The following MACROD2 variants were observed in gnomAD, a reference collection of about 807,000 sequenced individuals.
MACROD2 encodes the protein ADP-ribose glycohydrolase MACROD2.
In MACROD2, 36 loss-of-function variants were observed where a neutral mutation model predicts 70.4. The ratio of observed to expected loss-of-function variants is 0.51; its 90% CI spans 0.39 to 0.68. MACROD2 has a LOEUF of 0.68. Ranked by LOEUF, MACROD2 falls within the 30% of genes least tolerant of loss-of-function variation. MACROD2 has a pLI of 0.00. For missense variants in MACROD2, 496 were observed against 538.4 expected, an observed-to-expected ratio of 0.92 and a Z score of 0.78; for synonymous variants, 172 against 178.8, an observed-to-expected ratio of 0.96 and a Z score of 0.30.
chr20:14,145,297 C>T lies in MACROD2; in HGVS notation c.271+59569C>T, dbSNP rs181767254. Among the ~76,000 whole-genome samples, 7 of 152,182 alleles carry T rather than the reference C, an allele frequency of 4.6e-5. No homozygotes were observed. The East Asian group carries it at 1.4e-3, about 29-fold the overall frequency. On this transcript the variant is annotated intron_variant, in intron 3 of 17. Coordinates refer to ENST00000684519, the MANE Select transcript of MACROD2 (RefSeq NM_001351661.2). Reference sequence around the variant, plus strand: ...TTCTAAACCGCCCCACCTCTTTTCTCAAAGAATTTATAACCTCGTCTAGTG... The same window carrying T: ...TTCTAAACCGCCCCACCTCTTTTCTTAAAGAATTTATAACCTCGTCTAGTG...
At chr20:15,713,484 C>T (rs2050658055) in intron 8 of MACROD2, among the ~76,000 whole-genome samples, 1 of 152,104 alleles carries the variant, frequency 6.6e-6, no homozygotes, top group African/African-American at 2.4e-5. Context: ...AGGAAACTTA[C>T]AATCATGGCA....
chr20:14,937,125 C>T (rs573631586), intron 5 of MACROD2, among the ~76,000 whole-genome samples: 1 of 151,934 alleles, frequency 6.6e-6, no homozygotes, highest in East Asian at 1.9e-4. Context: ...TGTGGGAGGT[C>T]AGGAGAGTGT....
rs556317440 is a variant in MACROD2, at chr20:14,858,118, G to A, written c.418+173159G>A. 4.6e-5 allele frequency among the ~76,000 whole-genome samples: 7 copies of A among 152,286 alleles called. No homozygotes were observed. The East Asian group carries it at 1.2e-3, about 25-fold the overall frequency. The stretch of plus-strand genomic sequence containing the variant: ...TTACAGGCGTGAGCCACAGTGCCTG[G>A]CCGAGGAATGTTTTATATAATAGTC... On this transcript the variant is annotated intron_variant, in intron 5 of 17. Coordinates refer to ENST00000684519, the MANE Select transcript of MACROD2 (RefSeq NM_001351661.2).
intron 3 of MACROD2, among the ~76,000 whole-genome samples, chr20:14,365,042 G>C (rs2083259205): frequency 6.6e-6 from 1 of 152,078 alleles, no homozygotes; most frequent in Non-Finnish European, 1.5e-5. Context: ...GTTAAGGAGT[G>C]GTGTTAATTC....
At chr20:14,431,196 A>T (rs2083990695) in intron 3 of MACROD2, among the ~76,000 whole-genome samples, 1 of 152,120 alleles carries the variant, frequency 6.6e-6, no homozygotes, top group Non-Finnish European at 1.5e-5. Context: ...AATAATAGCA[A>T]TTAACATTTG....
chr20:14,013,012 A>C (rs2052935520), intron 2 of MACROD2, among the ~76,000 whole-genome samples: 1 of 152,090 alleles, frequency 6.6e-6, no homozygotes, highest in South Asian at 2.1e-4. Flanking sequence ...AGTTTTGATA[A>C]ATTTTCATTT....
intron 3 of MACROD2, among the ~76,000 whole-genome samples, chr20:14,181,926 A>AT (rs1166458794): frequency 1.3e-5 from 2 of 152,202 alleles, no homozygotes; most frequent in African/African-American, 4.8e-5. Context: ...TTTTCTGGCT[A>AT]TTGTGAATAA....
chr20:14,558,068 A>G (rs1194309226), intron 4 of MACROD2, among the ~76,000 whole-genome samples: 1 of 151,822 alleles, frequency 6.6e-6, no homozygotes, highest in Non-Finnish European at 1.5e-5. Flanking sequence ...AAGACAAATG[A>G]ACTTTGGAAA....
At chr20:15,184,713 TG>T (rs1329614818) in intron 5 of MACROD2, among the ~76,000 whole-genome samples, 1 of 152,236 alleles carries the variant, frequency 6.6e-6, no homozygotes, top group Non-Finnish European at 1.5e-5. Context: ...GCGACAATTC[TG>T]GGAAATGCGG....
chr20:14,903,111 G>A lies in MACROD2; in HGVS notation c.418+218152G>A, dbSNP rs186955446. On this transcript the variant is annotated intron_variant, in intron 5 of 17. Coordinates refer to ENST00000684519, the MANE Select transcript of MACROD2 (RefSeq NM_001351661.2). The stretch of plus-strand genomic sequence containing the variant: ...GGCTGGAGTGCAATGGTGTGATCTC[G>A]GCTCACTGCAACCTGTGTCTCCCGG... Among the ~76,000 whole-genome samples, 512 of 138,488 alleles carry A rather than the reference G, an allele frequency of 3.7e-3. 3 individuals carry two copies. Among genetic ancestry groups the A allele is most frequent in the African/African-American group, 0.013 (480 of 36,094 alleles). The allele number at this position is 138,488 out of a possible 152,430, so 90.9% of individuals were successfully genotyped here.
At chr20:14,442,940 G>T (rs902438725) in intron 3 of MACROD2, among the ~76,000 whole-genome samples, 1 of 151,946 alleles carries the variant, frequency 6.6e-6, no homozygotes, top group African/African-American at 2.4e-5. Flanking sequence ...TTAGCCCGGT[G>T]TGGTGGCGGG....
intron 5 of MACROD2, among the ~76,000 whole-genome samples, chr20:14,831,921 C>A (rs2072972512): frequency 6.9e-6 from 1 of 145,184 alleles, no homozygotes; most frequent in African/African-American, 2.6e-5. Flanking sequence ...TTGTTATGTT[C>A]TTGGGGATGC....
At chr20:14,380,352 T>C (rs1366874000) in intron 3 of MACROD2, among the ~76,000 whole-genome samples, 1 of 152,150 alleles carries the variant, frequency 6.6e-6, no homozygotes, top group Non-Finnish European at 1.5e-5. Context: ...ATTTTTCCCA[T>C]TTAATAGGTT....
chr20:15,105,978 T>A (rs2075907744), intron 5 of MACROD2, among the ~76,000 whole-genome samples: 1 of 152,186 alleles, frequency 6.6e-6, no homozygotes, highest in South Asian at 2.1e-4. Flanking sequence ...AAAAAAGTTG[T>A]GTGATGCATA....
At chr20:14,304,023 T>G (rs6110236) in intron 3 of MACROD2, among the ~76,000 whole-genome samples, 3,088 of 152,290 alleles carry the variant, frequency 0.02, 99 homozygotes, top group African/African-American at 0.071. Flanking sequence ...TGAGTGTCTT[T>G]ATTATTCTGT....
intron 6 of MACROD2, among the ~76,000 whole-genome samples, chr20:15,231,491 A>C (rs1486163523): frequency 6.6e-6 from 1 of 152,074 alleles, no homozygotes; most frequent in Non-Finnish European, 1.5e-5. Context: ...AGAAGTTTCC[A>C]ACTTGGAAAA....
At chr20:15,726,380 G>A (rs1443519213) in intron 8 of MACROD2, among the ~76,000 whole-genome samples, 4 of 152,100 alleles carry the variant, frequency 2.6e-5, no homozygotes, top group African/African-American at 4.8e-5. Context: ...TGTGAATAGT[G>A]CTGCAATGAA....
chr20:15,696,678 GT>G (rs374403186), intron 8 of MACROD2, among the ~76,000 whole-genome samples: 2,167 of 88,736 alleles, frequency 0.024, 17 homozygotes, highest in African/African-American at 0.065. Flanking sequence ...TAGTCCTGGA[GT>G]TTTTTTTTTT....
chr20:14,294,551 C>T (rs1251108959), intron 3 of MACROD2, among the ~76,000 whole-genome samples: 1 of 151,544 alleles, frequency 6.6e-6, no homozygotes, highest in East Asian at 1.9e-4. Flanking sequence ...ATTTTTGATA[C>T]ATTAATAGGA....
Sources: gnomAD v4.1 joint callset for allele counts (sites outside exome capture counted in the v4.1 genomes callset) on GRCh38, gnomAD v4.1.1 for gene constraint, MANE v1.5 for transcripts, NCBI Gene and HGNC (gene_info 2026-07-23, HGNC 2026-07-21) for gene names.